Variants in TRIO observed in about 807,000 individuals in gnomAD.
The protein encoded by TRIO is trio Rho guanine nucleotide exchange factor, also known as triple functional domain protein.
Under a neutral mutation model 351.9 loss-of-function variants are expected in TRIO, and 58 were observed. That is an observed-to-expected ratio of 0.16 (90% CI 0.13 to 0.21). The LOEUF (loss-of-function observed/expected upper bound fraction) is 0.21, where lower values mean the gene tolerates loss of function less well. TRIO is among the 10% of genes least tolerant of loss of function. The pLI is 1.00. For missense variants in TRIO, 3,201 were observed against 4,027.8 expected (o/e 0.79, Z 5.56); for synonymous variants, 1,758 against 1,595.7 (o/e 1.10, Z -2.42).
intron 33 of TRIO, among the ~76,000 whole-genome samples, chr5:14,407,022 A>G (rs957929489): frequency 3.9e-5 from 6 of 152,180 alleles, no homozygotes; most frequent in African/African-American, 1.4e-4. Flanking sequence ...ACACCAGCGT[A>G]TGTTTTAATT....
chr5:14,249,595 G>A (rs1174043875), intron 1 of TRIO, among the ~76,000 whole-genome samples: 1 of 152,232 alleles, frequency 6.6e-6, no homozygotes, highest in Non-Finnish European at 1.5e-5. Context: ...TGGATGGTGA[G>A]ATGGAGAGCA....
At chr5:14,304,665 A>G in intron 8 of TRIO, 73 bp downstream of exon 8, 16 of 1,532,436 alleles carry the variant, frequency 1.0e-5, no homozygotes, top group Non-Finnish European at 1.3e-5. Flanking sequence ...AGCTAGAAAA[A>G]AAAAAGTTTT....
chr5:14,184,013 T>A (rs1480920060), intron 1 of TRIO: 5 of 695,968 alleles, frequency 7.2e-6, no homozygotes, highest in Non-Finnish European at 1.3e-5. Context: ...GGCTCTCTGA[T>A]GTGTGGCTCG....
At chr5:14,477,074 A>G in intron 41 of TRIO, 111 bp downstream of exon 41, 1 of 913,766 alleles carries the variant, frequency 1.1e-6, no homozygotes, top group East Asian at 2.7e-5. Flanking sequence ...CGTATGTTTA[A>G]GATAAAATCA....
At chr5:14,354,488 C>T (rs1055220232) in intron 11 of TRIO, among the ~76,000 whole-genome samples, 3 of 152,136 alleles carry the variant, frequency 2.0e-5, no homozygotes, top group Non-Finnish European at 4.4e-5. Flanking sequence ...GTGACCCGGA[C>T]GCCCTCCTGC....
chr5:14,210,788 G>T (rs39617), intron 1 of TRIO, among the ~76,000 whole-genome samples: 39,504 of 152,022 alleles, frequency 0.26, 5,366 homozygotes, highest in East Asian at 0.44. Context: ...GTAGTTCTAC[G>T]TACAGTTAAA....
Position 14,432,786 on chromosome 5 carries a change from A to C in TRIO, c.5203+12765A>C, listed in dbSNP as rs537684373. On this transcript the variant is annotated intron_variant, in intron 34 of 56. Coordinates refer to ENST00000344204, the MANE Select transcript of TRIO (RefSeq NM_007118.4). ...AGGAGTAAAAGATTTTTGCCCCAAA[A>C]CTATTATTCTGCCCCCTTTCCTAAA... Among the ~76,000 whole-genome samples, 8 of 152,296 alleles carry C rather than the reference A, an allele frequency of 5.3e-5. No individual in the cohort carries two copies. In the South Asian group the frequency reaches 1.2e-3, roughly 24 times the overall value.
At chr5:14,420,378 C>T (rs1750019853) in intron 34 of TRIO, 1 of 219,778 alleles carries the variant, frequency 4.6e-6, no homozygotes, top group Non-Finnish European at 9.1e-6. Flanking sequence ...TCCCCTGGCT[C>T]CAGAGGGTTA....
intron 8 of TRIO, among the ~76,000 whole-genome samples, chr5:14,304,793 C>T (rs1052950191): frequency 1.1e-4 from 17 of 152,170 alleles, no homozygotes; most frequent in African/African-American, 4.1e-4. Context: ...GAATGGTGTG[C>T]AGGCAGTAGC....
chr5:14,302,552 A>G (rs1413557097), intron 7 of TRIO, among the ~76,000 whole-genome samples: 1 of 152,252 alleles, frequency 6.6e-6, no homozygotes, highest in African/African-American at 2.4e-5. Context: ...AGAAATACTC[A>G]GTTGACACTT....
chr5:14,489,491 A>G (rs536720451), intron 48 of TRIO, among the ~76,000 whole-genome samples: 1 of 152,302 alleles, frequency 6.6e-6, no homozygotes, highest in South Asian at 2.1e-4. Flanking sequence ...AGATGCAGTC[A>G]ACCCAGTGAC....
intron 1 of TRIO, among the ~76,000 whole-genome samples, chr5:14,244,701 G>A (rs1468516766): frequency 2.6e-5 from 4 of 152,204 alleles, no homozygotes; most frequent in Non-Finnish European, 5.9e-5. Context: ...ACTCCTCACC[G>A]TAGCCCACAG....
In TRIO at chr5:14,363,792, A is replaced by C; in HGVS notation, c.2452A>C (p.Thr818Pro). 6.2e-7 allele frequency: 1 copy of C among 1,614,210 alleles called. No individual in the cohort carries two copies. Among genetic ancestry groups the C allele is most frequent in the Non-Finnish European group, 8.5e-7 (1 of 1,180,044 alleles). ...ELSQQMNDFD[T>P]EDLTIAEQRL... ...TTCTCAGCAAATGAATGACTTCGAC[A>C]CAGAAGATCTCACGATTGCAGAGCA... Residue 818 changes from threonine to proline, a missense_variant, in exon 14 of 57, where the codon ACA (threonine) becomes CCA (proline). Physicochemically the swap from Thr to Pro is conservative, Grantham distance 38. This residue lies in a region of TRIO where 363 missense variants were observed against 553.5 expected (regional missense o/e 0.66). Transcript: ENST00000344204.
At chr5:14,208,849 T>G (rs1791702915) in intron 1 of TRIO, among the ~76,000 whole-genome samples, 1 of 152,244 alleles carries the variant, frequency 6.6e-6, no homozygotes, top group African/African-American at 2.4e-5. Context: ...GAAGTGGAAC[T>G]CTGAACCCTC....
At chr5:14,242,421 C>T (rs958567571) in intron 1 of TRIO, among the ~76,000 whole-genome samples, 5 of 152,214 alleles carry the variant, frequency 3.3e-5, no homozygotes, top group Non-Finnish European at 7.3e-5. Flanking sequence ...CTTGTCAATT[C>T]TTATGATTAA....
intron 1 of TRIO, among the ~76,000 whole-genome samples, chr5:14,196,955 A>T (rs1790812821): frequency 6.6e-6 from 1 of 152,172 alleles, no homozygotes; most frequent in Non-Finnish European, 1.5e-5. Context: ...GTCTAAATTG[A>T]TTTCTTGGTA....
chr5:14,364,820 A>G lies in TRIO; in HGVS notation c.2754+4A>G. 6.2e-7 allele frequency: 1 copy of G among 1,606,766 alleles called. No homozygotes were observed. The highest frequency in any genetic ancestry group is 8.5e-7 in the Non-Finnish European group (1 of 1,177,172). On this transcript the variant is annotated splice_donor_region_variant and intron_variant, in intron 15 of 56. Transcript: ENST00000344204. ...CCTGCAGGCAGAAGTGAAACAGGTGAGCAAACGACTGGATGCTTGGGGAGG... is the reference window on the plus strand; with the variant it reads ...CCTGCAGGCAGAAGTGAAACAGGTGGGCAAACGACTGGATGCTTGGGGAGG...
intron 8 of TRIO, among the ~76,000 whole-genome samples, chr5:14,309,344 C>T (rs915978109): frequency 6.6e-6 from 1 of 152,120 alleles, no homozygotes; most frequent in Admixed American, 6.6e-5. Flanking sequence ...TGTCTGGGTT[C>T]TCCACCTCCA....
rs148241379 is a variant in TRIO, at chr5:14,273,630, T to G, written c.232+2731T>G. Among the ~76,000 whole-genome samples the G allele has an allele frequency of 1.9e-4, 29 of 152,356 alleles. No individual in the cohort carries two copies. The East Asian group carries it at 5.4e-3, about 28-fold the overall frequency. On this transcript the variant is annotated intron_variant, in intron 2 of 56. Transcript: ENST00000344204. ...TTATAAAGAGGCTTTACCCTTGCCC[T>G]TCAGCCATATGAGGACGCAGCATTC...
Sources: allele counts gnomAD v4.1 joint callset (sites outside exome capture counted in the v4.1 genomes callset), GRCh38; gene constraint gnomAD v4.1.1; regional missense constraint gnomAD v4.1.1; transcripts MANE v1.5; gene names NCBI Gene and HGNC (gene_info 2026-07-23, HGNC 2026-07-21).